Variants in ZNF28 observed in about 807,000 individuals in gnomAD.
The protein encoded by ZNF28 is zinc finger protein KOX24.
In ZNF28, 5 loss-of-function variants were observed where a neutral mutation model predicts 7.2. The ratio of observed to expected loss-of-function variants is 0.70; its 90% CI spans 0.36 to 1.46. The LOEUF (loss-of-function observed/expected upper bound fraction) is 1.46. ZNF28 is among the 40% of genes most tolerant of loss of function. The probability of loss-of-function intolerance (pLI) is 0.03; values close to 1 mark genes in which losing one functional copy is unlikely to be tolerated. For synonymous variants in ZNF28, 288 were observed against 292.4 expected, an observed-to-expected ratio of 0.99 and a Z score of 0.15; for missense variants, 879 against 866.6, an observed-to-expected ratio of 1.01 and a Z score of -0.18.
chr19:52,809,822 A>AGGCAGT, intron 2 of ZNF28: 1 of 527,246 alleles, frequency 1.9e-6, no homozygotes, highest in Non-Finnish European at 3.3e-6. Flanking sequence ...TGAGCGGCGA[A>AGGCAGT]GGCGGCGGCG....
chr19:52,810,598 A>G lies in ZNF28; in HGVS notation c.16-2465T>C, dbSNP rs1360986874. On this transcript the variant is annotated intron_variant, in intron 2 of 3. Transcript: ENST00000457749. ...CACGAGCCCGCTACCGCGCCCGACC[A>G]CCAACTACAGCAGTTCCTGCTCTCC... 1.0e-5 allele frequency: 16 copies of G among 1,546,114 alleles called. No individual in the cohort carries two copies. The East Asian group carries it at 3.6e-4, about 35-fold the overall frequency.
At chr19:52,817,354 A>G (rs1399210891) in intron 2 of ZNF28, among the ~76,000 whole-genome samples, 9 of 152,182 alleles carry the variant, frequency 5.9e-5, no homozygotes, top group Admixed American at 5.2e-4. Flanking sequence ...CCTGGATAAC[A>G]AGAGTGAAAC....
chr19:52,817,854 C>A (rs1368924243), intron 2 of ZNF28, 90 bp downstream of exon 2: 1 of 1,592,670 alleles, frequency 6.3e-7, no homozygotes, highest in African/African-American at 1.3e-5. Context: ...TCAGGCAGGA[C>A]ACTTCAGACT....
At chr19:52,810,535 C>G in intron 2 of ZNF28, 1 of 1,597,046 alleles carries the variant, frequency 6.3e-7, no homozygotes, top group Non-Finnish European at 8.6e-7. Context: ...CAAAGCGAAC[C>G]AACAGACCAG....
Position 52,810,575 on chromosome 19 carries a change from C to T in ZNF28, c.16-2442G>A, listed in dbSNP as rs73067555. The T allele has an allele frequency of 6.1e-5, 97 of 1,580,638 alleles. 1 individual carries two copies. The South Asian group carries it at 9.8e-4, about 16-fold the overall frequency. On this transcript the variant is annotated intron_variant, in intron 2 of 3. Transcript: ENST00000457749. ...CAGCACAACAGACCGGGGTCTTCCA[C>T]GAGCCCGCTACCGCGCCCGACCACC...
At position 52,801,533 on chromosome 19, in the gene ZNF28, A is replaced by G; in HGVS notation, c.312T>C (p.Asp104=). The G allele has an allele frequency of 6.2e-7, 1 of 1,614,082 alleles. No homozygotes were observed. Among genetic ancestry groups the G allele is most frequent in the South Asian group, 1.1e-5 (1 of 91,074 alleles). ...TGGGTGCTGCATGGTCATTTGTTTC[A>G]TCTTCTTTCCACTGAAACTGGAAGC... The part of the protein sequence containing the change: ...IHGFQFQWKE[D]ETNDHAAPMT... Residue 104 remains aspartate (D), a synonymous_variant, in exon 4 of 4, where the codon GAT becomes GAC. Coordinates refer to ENST00000457749, the MANE Select transcript of ZNF28 (RefSeq NM_006969.5).
Position 52,799,034 on chromosome 19 carries a change from G to A in ZNF28, c.*654C>T, listed in dbSNP as rs1380220805. The A allele has an allele frequency of 3.3e-6, 2 of 598,314 alleles. No individual in the cohort carries two copies. Among genetic ancestry groups the A allele is most frequent in the Non-Finnish European group, 5.6e-6 (2 of 354,174 alleles). 37.1% of individuals were successfully genotyped at this position (598,314 alleles called of 1,614,324 possible). A position where few individuals can be genotyped will look rare whatever the true frequency, so the allele number is the denominator to read the frequency against. Reference sequence around the variant, plus strand: ...CTTACATTTGTATGTTTTTTCTCCAGTATGAATTCTCCTGTCTTTCAAGCT... The same window carrying A: ...CTTACATTTGTATGTTTTTTCTCCAATATGAATTCTCCTGTCTTTCAAGCT... On this transcript the variant is annotated 3_prime_UTR_variant, in exon 4 of 4. Transcript: ENST00000457749.
chr19:52,800,783 A>C lies in ZNF28; in HGVS notation c.1062T>G (p.Pro354=). The C allele has an allele frequency of 6.2e-7, 1 of 1,613,786 alleles. No individual in the cohort carries two copies. The highest frequency in any genetic ancestry group is 8.5e-7 in the Non-Finnish European group (1 of 1,179,938). Residue 354 remains proline, a synonymous_variant, in exon 4 of 4, where the codon CCT becomes CCG. Transcript: ENST00000457749. ...KHTIIHTGEK[P]YKCNECGKVF... ...CCTTGCCACATTCATTACACTTGTA[A>C]GGTTTCTCTCCAGTGTGAATTATAG...
rs1488263137 is a variant in ZNF28 at position 52,798,704 on chromosome 19, T to C, written c.*984A>G. On this transcript the variant is annotated 3_prime_UTR_variant, in exon 4 of 4. Transcript: ENST00000457749. The stretch of plus-strand genomic sequence containing the variant: ...ACATTTATAAGGTTTCTCTCCAGCA[T>C]GAGTTCGATGATGAATAGCAATATA... 2.2e-6 allele frequency: 1 copy of C among 454,458 alleles called. No homozygotes were observed. The highest frequency in any genetic ancestry group is 1.8e-5 in the South Asian group (1 of 56,748). 28.2% of individuals were successfully genotyped at this position (454,458 alleles called of 1,614,324 possible). A position where few individuals can be genotyped will look rare whatever the true frequency, so the allele number is the denominator to read the frequency against.
Position 52,799,240 on chromosome 19 carries a change from C to A in ZNF28, c.*448G>T, listed in dbSNP as rs538279572. 2.6e-6 allele frequency: 1 copy of A among 380,466 alleles called. No individual in the cohort carries two copies. The highest frequency in any genetic ancestry group is 2.7e-5 in the South Asian group (1 of 37,082). The allele number at this position is 380,466 out of a possible 1,614,324, so 23.6% of individuals were successfully genotyped here. The stretch of plus-strand genomic sequence containing the variant: ...TGAATTACAAGGTATGAATTTTGAC[C>A]AAAGGTGTTGCCACACTCATCACAT... On this transcript the variant is annotated 3_prime_UTR_variant, in exon 4 of 4. Coordinates refer to ENST00000457749, the MANE Select transcript of ZNF28 (RefSeq NM_006969.5).
chr19:52,815,303 G>A (rs10409049), intron 2 of ZNF28, among the ~76,000 whole-genome samples: 76,036 of 141,950 alleles, frequency 0.54, 24,891 homozygotes, highest in Non-Finnish European at 0.68. Flanking sequence ...ATCACCTGAA[G>A]ACAGGAGTTC....
Position 52,800,749 on chromosome 19 carries a change from G to A in ZNF28, c.1096C>T (p.Arg366Ter), listed in dbSNP as rs538541384. The change falls in exon 4 of 4, where the codon CGA (arginine) becomes TGA (stop). Residue 366 changes from arginine to a stop codon, truncating the protein, a stop_gained. Coordinates refer to ENST00000457749, the MANE Select transcript of ZNF28 (RefSeq NM_006969.5). LOFTEE classifies it low-confidence loss of function (END_TRUNC). Reference protein sequence around the residue: ...KCNECGKVFNRLSTLARHRRL... With the variant: ...KCNECGKVFN ...CGATGGCGTGCAAGGGTTGACAGTCGATTAAAAACCTTGCCACATTCATTA... is the reference window on the plus strand; with the variant it reads ...CGATGGCGTGCAAGGGTTGACAGTCAATTAAAAACCTTGCCACATTCATTA... 34 of 1,612,866 alleles carry A rather than the reference G, an allele frequency of 2.1e-5. No individual in the cohort carries two copies. Among genetic ancestry groups the A allele is most frequent in the Middle Eastern group, 1.6e-4 (1 of 6,080 alleles).
At chr19:52,811,520 T>C (rs2147659375) in intron 2 of ZNF28, among the ~76,000 whole-genome samples, 1 of 145,206 alleles carries the variant, frequency 6.9e-6, no homozygotes, top group East Asian at 2.1e-4. Context: ...TCGTCTGAGA[T>C]GTGGGGAGCA....
At chr19:52,814,283 C>A (rs7245433) in intron 2 of ZNF28, 91,560 of 144,860 alleles carry the variant, frequency 0.63, 32,850 homozygotes, top group Non-Finnish European at 0.71. Context: ...TAAATATAAC[C>A]ATATATATTT....
At chr19:52,812,148 G>T (rs1402844663) in intron 2 of ZNF28, among the ~76,000 whole-genome samples, 1 of 124,954 alleles carries the variant, frequency 8.0e-6, no homozygotes, top group Non-Finnish European at 1.6e-5. Flanking sequence ...TGGTGGGGGG[G>T]TCAGCCCCCC....
chr19:52,803,967 A>G (rs2062905554), intron 3 of ZNF28, among the ~76,000 whole-genome samples: 1 of 152,196 alleles, frequency 6.6e-6, no homozygotes. Context: ...AAAAAAATAA[A>G]ATAAGATAAA....
chr19:52,818,498 A>C (rs1436303751), intron 1 of ZNF28, among the ~76,000 whole-genome samples: 1 of 152,052 alleles, frequency 6.6e-6, no homozygotes, highest in Non-Finnish European at 1.5e-5. Context: ...GGATTACTTG[A>C]GGTCAGGAGT....
chr19:52,820,973 T>C (rs1464472107), intron 1 of ZNF28, among the ~76,000 whole-genome samples: 2 of 152,052 alleles, frequency 1.3e-5, no homozygotes, highest in Non-Finnish European at 2.9e-5. Flanking sequence ...CACCTGCATC[T>C]CGGAGAAGCG....
In ZNF28 at chr19:52,798,517, T is replaced by C. The variant is rs1172706358; in HGVS notation, c.*1171A>G. ...AAGACCTTACCACACTGATGACATT[T>C]GTAAGATTTCTGTCCAGCATGGATT... On this transcript the variant is annotated 3_prime_UTR_variant, in exon 4 of 4. Coordinates refer to ENST00000457749, the MANE Select transcript of ZNF28 (RefSeq NM_006969.5). The C allele has an allele frequency of 5.9e-6, 3 of 511,470 alleles. No homozygotes were observed. The highest frequency in any genetic ancestry group is 8.0e-6 in the Non-Finnish European group (2 of 249,974). 31.7% of individuals were successfully genotyped at this position (511,470 alleles called of 1,614,324 possible). A position where few individuals can be genotyped will look rare whatever the true frequency, so the allele number is the denominator to read the frequency against.
Sources: allele counts gnomAD v4.1 joint callset (sites outside exome capture counted in the v4.1 genomes callset), GRCh38; gene constraint gnomAD v4.1.1; transcripts MANE v1.5; gene names NCBI Gene and HGNC (gene_info 2026-07-23, HGNC 2026-07-21).